The following WDR82 variants were observed in gnomAD, a reference collection of about 807,000 sequenced individuals.
WDR82 encodes WD repeat domain 82.
In WDR82, 8 loss-of-function variants were observed where a neutral mutation model predicts 36.1. The ratio of observed to expected loss-of-function variants is 0.22; its 90% CI spans 0.13 to 0.40. WDR82 has a LOEUF of 0.40. Among genes scored for constraint, WDR82 ranks in the 10% least tolerant of loss-of-function variants. The pLI, the probability that WDR82 is intolerant of heterozygous loss-of-function variation, is 1.00. For missense variants in WDR82, 185 were observed against 400.5 expected (o/e 0.46, Z 4.59); for synonymous variants, 129 against 137.8 (o/e 0.94, Z 0.45).
At chr3:52,261,118 CCT>C (rs1700057596) in intron 4 of WDR82, among the ~76,000 whole-genome samples, 1 of 152,098 alleles carries the variant, frequency 6.6e-6, no homozygotes, top group Non-Finnish European at 1.5e-5. Context: ...AGAGCGAAAC[CCT>C]GTCTCAAAAC....
chr3:52,277,107 T>C (rs1008582519), intron 1 of WDR82, among the ~76,000 whole-genome samples: 1 of 148,202 alleles, frequency 6.7e-6, no homozygotes, highest in Non-Finnish European at 1.5e-5. Flanking sequence ...ATAATATCTG[T>C]TACTAGGTGA....
chr3:52,263,467 T>G (rs1039416424), intron 3 of WDR82, among the ~76,000 whole-genome samples: 1 of 152,158 alleles, frequency 6.6e-6, no homozygotes, highest in South Asian at 2.1e-4. Flanking sequence ...AATGAAAATA[T>G]AGAGAACCAT....
intron 3 of WDR82, among the ~76,000 whole-genome samples, chr3:52,265,086 C>T (rs568019713): frequency 7.2e-5 from 11 of 151,902 alleles, no homozygotes; most frequent in African/African-American, 2.4e-4. Flanking sequence ...GAGGCTGAGG[C>T]GGGCGGATCA....
intron 7 of WDR82, 129 bp from the exon 8 acceptor site, chr3:52,258,807 G>A: frequency 7.6e-7 from 1 of 1,317,452 alleles, no homozygotes; most frequent in Non-Finnish European, 1.0e-6. Flanking sequence ...AAATTGAGAG[G>A]GAGGAGAGGC....
intron 1 of WDR82, among the ~76,000 whole-genome samples, chr3:52,274,185 CA>C (rs1333412393): frequency 6.6e-6 from 1 of 152,274 alleles, no homozygotes; most frequent in East Asian, 1.9e-4. Flanking sequence ...TTTAAATGAC[CA>C]GTAAACTGGA....
Position 52,259,888 on chromosome 3 carries a change from A to T in WDR82, c.544-16T>A. ...CAAATGGCCCCTGCAAAAGATAAAA[A>T]ACAGTAGCCCCAGGCATATTAATAA... On this transcript the variant is annotated splice_polypyrimidine_tract_variant and intron_variant, in intron 5 of 8. Coordinates refer to ENST00000296490, the MANE Select transcript of WDR82 (RefSeq NM_025222.4). 1 of 1,608,580 alleles carries T rather than the reference A, an allele frequency of 6.2e-7. No homozygotes were observed. The highest frequency in any genetic ancestry group is 8.5e-7 in the Non-Finnish European group (1 of 1,177,254).
At chr3:52,274,621 G>A (rs1197468833) in intron 1 of WDR82, among the ~76,000 whole-genome samples, 3 of 151,812 alleles carry the variant, frequency 2.0e-5, no homozygotes, top group Non-Finnish European at 1.5e-5. Context: ...AGGGCCGGGT[G>A]CGGAGGCTCA....
intron 1 of WDR82, among the ~76,000 whole-genome samples, chr3:52,272,369 C>T (rs993075595): frequency 1.1e-4 from 16 of 151,772 alleles, no homozygotes; most frequent in Admixed American, 7.2e-4. Flanking sequence ...CATGGCGAAA[C>T]GCTATCTCTA....
intron 1 of WDR82, among the ~76,000 whole-genome samples, chr3:52,274,374 C>T (rs1006467625): frequency 2.6e-5 from 4 of 151,970 alleles, no homozygotes; most frequent in African/African-American, 9.7e-5. Context: ...TTGAGACCAG[C>T]CTGGGCAACC....
rs971664200 is a variant in WDR82, at chr3:52,274,672, G to C, written c.161+3529C>G. On this transcript the variant is annotated intron_variant, in intron 1 of 8. Transcript: ENST00000296490. ...CACTCTGGGAGGCCGAGGAGACCGA[G>C]GTGGGCAGATCACTTGAGGTAAGAT... Among the ~76,000 whole-genome samples the C allele has an allele frequency of 5.3e-5, 8 of 151,864 alleles. No homozygotes were observed. In the South Asian group the frequency reaches 1.7e-3, roughly 32 times the overall value.
chr3:52,274,993 C>T (rs750387116), intron 1 of WDR82, among the ~76,000 whole-genome samples: 6 of 152,116 alleles, frequency 3.9e-5, no homozygotes, highest in Non-Finnish European at 7.4e-5. Context: ...GAGGCCGAGG[C>T]GGCGGATCAC....
chr3:52,263,625 G>A (rs1700079871), intron 3 of WDR82, among the ~76,000 whole-genome samples: 1 of 152,230 alleles, frequency 6.6e-6, no homozygotes, highest in South Asian at 2.1e-4. Flanking sequence ...AGAGGAAAGT[G>A]ACACATGAGG....
chr3:52,270,413 C>G (rs920086346), intron 2 of WDR82, among the ~76,000 whole-genome samples: 3 of 152,194 alleles, frequency 2.0e-5, no homozygotes, highest in Admixed American at 6.5e-5. Context: ...CCCCTACGCC[C>G]GGCTTTAAAA....
chr3:52,260,056 C>T (rs555522856), intron 5 of WDR82, among the ~76,000 whole-genome samples, 184 bp from the exon 6 acceptor site: 6 of 152,250 alleles, frequency 3.9e-5, no homozygotes, highest in South Asian at 4.1e-4. Flanking sequence ...CAGGGCCGGG[C>T]GCGGTGGCTC....
rs768302801 is a variant in WDR82 at position 52,258,696 on chromosome 3, G to A, written c.770-18C>T. The A allele has an allele frequency of 1.3e-5, 21 of 1,613,914 alleles. No homozygotes were observed. Among genetic ancestry groups the A allele is most frequent in the South Asian group, 5.5e-5 (5 of 91,072 alleles). On this transcript the variant is annotated intron_variant, in intron 7 of 8. Coordinates refer to ENST00000296490, the MANE Select transcript of WDR82 (RefSeq NM_025222.4). ...CTCTGAACCTAAAGAGGATATTCAC[G>A]GAAAATGTAACAGCTCAAGGCGCAA...
At chr3:52,278,062 G>T (rs1373433354) in intron 1 of WDR82, 139 bp downstream of exon 1, 2 of 770,590 alleles carry the variant, frequency 2.6e-6, no homozygotes, top group Non-Finnish European at 3.7e-6. Context: ...GACGGCTGCG[G>T]GGTGGAGGCG....
At chr3:52,262,077 A>G (rs1456999510) in intron 3 of WDR82, among the ~76,000 whole-genome samples, 2 of 152,250 alleles carry the variant, frequency 1.3e-5, no homozygotes, top group Non-Finnish European at 2.9e-5. Context: ...TTGGCAATAA[A>G]AAGTAATAAA....
At position 52,278,397 on chromosome 3, in the gene WDR82, CG is replaced by C; in HGVS notation, c.-37del. The C allele has an allele frequency of 7.4e-7, 1 of 1,350,942 alleles. No individual in the cohort carries two copies. Among genetic ancestry groups the C allele is most frequent in the Non-Finnish European group, 9.6e-7 (1 of 1,045,678 alleles). 83.7% of individuals were successfully genotyped at this position (1,350,942 alleles called of 1,614,324 possible). A position where few individuals can be genotyped will look rare whatever the true frequency, so the allele number is the denominator to read the frequency against. On this transcript the variant is annotated 5_prime_UTR_variant, in exon 1 of 9. Coordinates refer to ENST00000296490, the MANE Select transcript of WDR82 (RefSeq NM_025222.4). ...GGGGAAGGCAGCGGCGGCGCAGGGCCGGGGCGGGGCCCGGCGGCGAGCGGGC... is the reference window on the plus strand; with the variant it reads ...GGGGAAGGCAGCGGCGGCGCAGGGCCGGGCGGGGCCCGGCGGCGAGCGGGC...
chr3:52,257,864 C>G (rs1700027237), intron 8 of WDR82, among the ~76,000 whole-genome samples: 1 of 151,982 alleles, frequency 6.6e-6, no homozygotes, highest in South Asian at 2.1e-4. Flanking sequence ...CTCCAACAGG[C>G]CCCCACCTTC....
Sources: allele counts gnomAD v4.1 joint callset (sites outside exome capture counted in the v4.1 genomes callset), GRCh38; gene constraint gnomAD v4.1.1; transcripts MANE v1.5; gene names NCBI Gene and HGNC (gene_info 2026-07-23, HGNC 2026-07-21).